SLC25A21: variants seen among roughly 807,000 people sequenced by gnomAD.
SLC25A21 encodes mitochondrial 2-oxodicarboxylate carrier.
SLC25A21 carries 47 observed loss-of-function variants against 43.8 expected under a neutral mutation model. The observed-to-expected ratio is 1.07, with a 90% confidence interval of 0.85 to 1.37. The LOEUF (loss-of-function observed/expected upper bound fraction) is 1.37, where lower values mean the gene tolerates loss of function less well. Ranked by LOEUF, SLC25A21 falls within the 40% of genes most tolerant of loss-of-function variation. The pLI is 0.00. For synonymous variants in SLC25A21, 131 were observed against 121.3 expected (o/e 1.08, Z -0.52); for missense variants, 352 against 350.2 (o/e 1.00, Z -0.04).
intron 1 of SLC25A21, among the ~76,000 whole-genome samples, chr14:37,109,034 CTAAA>C (rs1566887843): frequency 2.0e-5 from 3 of 152,164 alleles, no homozygotes; most frequent in Non-Finnish European, 2.9e-5. Context: ...GGCAAGAAAA[CTAAA>C]TATATTTGTT....
chr14:36,922,068 A>G (rs1361564618), intron 1 of SLC25A21, among the ~76,000 whole-genome samples: 1 of 151,572 alleles, frequency 6.6e-6, no homozygotes, highest in African/African-American at 2.4e-5. Flanking sequence ...GAACTCAGGA[A>G]GTAGAGGTTG....
intron 1 of SLC25A21, among the ~76,000 whole-genome samples, chr14:36,997,918 T>G (rs1230632945): frequency 6.6e-6 from 1 of 152,120 alleles, no homozygotes; most frequent in Non-Finnish European, 1.5e-5. Context: ...ATAATAACCT[T>G]AGGAGAACGT....
At chr14:36,965,146 C>T (rs1264861862) in intron 1 of SLC25A21, among the ~76,000 whole-genome samples, 1 of 152,028 alleles carries the variant, frequency 6.6e-6, no homozygotes, top group Non-Finnish European at 1.5e-5. Flanking sequence ...TTTAGAATCC[C>T]CAGAATTGAT....
chr14:36,735,930 A>ATTTTTTTTTTTTT (rs776933723), intron 3 of SLC25A21, among the ~76,000 whole-genome samples: 3 of 84,300 alleles, frequency 3.6e-5, no homozygotes, highest in African/African-American at 1.1e-4. Flanking sequence ...TCTGGCCACA[A>ATTTTTTTTTTTTT]TTTTTTTTTT....
At chr14:36,770,009 GC>G (rs1420158139) in intron 3 of SLC25A21, among the ~76,000 whole-genome samples, 1 of 152,146 alleles carries the variant, frequency 6.6e-6, no homozygotes, top group Non-Finnish European at 1.5e-5. Flanking sequence ...TCTGTAGTAA[GC>G]CATCTAGAAT....
chr14:37,064,505 G>C (rs1962019597), intron 1 of SLC25A21, among the ~76,000 whole-genome samples: 1 of 152,068 alleles, frequency 6.6e-6, no homozygotes, highest in Non-Finnish European at 1.5e-5. Flanking sequence ...CAGTTGTGGA[G>C]TTGGTTCAAC....
chr14:37,136,154 T>C (rs1003759982), intron 1 of SLC25A21, among the ~76,000 whole-genome samples: 2 of 152,196 alleles, frequency 1.3e-5, no homozygotes, highest in African/African-American at 4.8e-5. Context: ...TAGGGAGACA[T>C]TCTGATCTCC....
intron 1 of SLC25A21, among the ~76,000 whole-genome samples, chr14:36,950,149 G>A (rs376441072): frequency 1.4e-4 from 21 of 152,100 alleles, no homozygotes; most frequent in African/African-American, 2.2e-4. Flanking sequence ...GTAATTTGTC[G>A]CAAGGTACCT....
chr14:37,018,328 TCTCTC>T (rs1202954998), intron 1 of SLC25A21, among the ~76,000 whole-genome samples: 1 of 151,996 alleles, frequency 6.6e-6, no homozygotes, highest in African/African-American at 2.4e-5. Context: ...AATTGGCACC[TCTCTC>T]CTCTCACCTG....
At chr14:36,734,834 T>C (rs983779328) in intron 3 of SLC25A21, among the ~76,000 whole-genome samples, 1 of 152,194 alleles carries the variant, frequency 6.6e-6, no homozygotes, top group African/African-American at 2.4e-5. Flanking sequence ...TAACGATGAA[T>C]CTGACTGTCC....
chr14:36,879,608 T>C (rs564689182), intron 1 of SLC25A21, among the ~76,000 whole-genome samples: 18 of 152,262 alleles, frequency 1.2e-4, no homozygotes, highest in African/African-American at 3.1e-4. Context: ...GGATAGCCCC[T>C]GGATGCCCTG....
chr14:37,141,753 CTT>C (rs1382579164), intron 1 of SLC25A21, among the ~76,000 whole-genome samples: 1 of 152,136 alleles, frequency 6.6e-6, no homozygotes, highest in Non-Finnish European at 1.5e-5. Context: ...CTATATGTCA[CTT>C]TTTATATTTT....
In SLC25A21 at chr14:36,977,953, TTA is replaced by T. The variant is rs1491395849; in HGVS notation, c.71-102951_71-102950del. Among the ~76,000 whole-genome samples, 957 of 129,776 alleles carry T rather than the reference TTA, an allele frequency of 7.4e-3. 6 individuals carry two copies. Among genetic ancestry groups the T allele is most frequent in the African/African-American group, 0.012 (387 of 31,574 alleles). The allele number at this position is 129,776 out of a possible 152,430, so 85.1% of individuals were successfully genotyped here. On this transcript the variant is annotated intron_variant, in intron 1 of 9. Transcript: ENST00000331299. ...GTGATTACAAAGCTTTTTTTTTTTT[TTA>T]AAAAAAAAAAAAGACAATTAGTTTG...
At chr14:36,691,073 T>C (rs1882775433) in intron 7 of SLC25A21, among the ~76,000 whole-genome samples, 1 of 152,162 alleles carries the variant, frequency 6.6e-6, no homozygotes, top group African/African-American at 2.4e-5. Context: ...CATACAGAAA[T>C]TTCCTACCTT....
chr14:37,104,424 T>C (rs1198107267), intron 1 of SLC25A21, among the ~76,000 whole-genome samples: 5 of 152,170 alleles, frequency 3.3e-5, no homozygotes, highest in African/African-American at 4.8e-5. Flanking sequence ...TATAGCAGCA[T>C]GAACCAACTA....
At chr14:36,976,581 G>T (rs940790396) in intron 1 of SLC25A21, among the ~76,000 whole-genome samples, 1 of 152,054 alleles carries the variant, frequency 6.6e-6, no homozygotes, top group African/African-American at 2.4e-5. Context: ...CCTGTGCAAC[G>T]TGAGGTCAGG....
chr14:36,844,630 T>G (rs1889487348), intron 2 of SLC25A21, among the ~76,000 whole-genome samples: 2 of 152,190 alleles, frequency 1.3e-5, no homozygotes, highest in Non-Finnish European at 2.9e-5. Context: ...GACCCCCCAC[T>G]GCCCTCCTGT....
At chr14:36,761,692 G>C (rs1418645181) in intron 3 of SLC25A21, among the ~76,000 whole-genome samples, 1 of 152,168 alleles carries the variant, frequency 6.6e-6, no homozygotes, top group Non-Finnish European at 1.5e-5. Flanking sequence ...ACATGGGATA[G>C]ATCTGTAGTG....
At chr14:37,031,573 A>G (rs1396649151) in intron 1 of SLC25A21, among the ~76,000 whole-genome samples, 1 of 152,204 alleles carries the variant, frequency 6.6e-6, no homozygotes, top group African/African-American at 2.4e-5. Context: ...ATGTTGGCAG[A>G]GATGTGAGAC....
Sources: gnomAD v4.1 joint callset for allele counts (sites outside exome capture counted in the v4.1 genomes callset) on GRCh38, gnomAD v4.1.1 for gene constraint, MANE v1.5 for transcripts, NCBI Gene and HGNC (gene_info 2026-07-23, HGNC 2026-07-21) for gene names.